The following CDH18 variants were observed in gnomAD, a reference collection of about 807,000 sequenced individuals.
CDH18 encodes cadherin 18.
CDH18 carries 31 observed loss-of-function variants against 67.9 expected under a neutral mutation model. That is an observed-to-expected ratio of 0.46 (90% CI 0.34 to 0.62). The LOEUF (loss-of-function observed/expected upper bound fraction) is 0.62. CDH18 is among the 20% of genes least tolerant of loss of function. CDH18 has a pLI of 0.01. For missense variants in CDH18, 890 were observed against 975.5 expected (o/e 0.91, Z 1.17); for synonymous variants, 362 against 347.2 (o/e 1.04, Z -0.48).
intron 2 of CDH18, among the ~76,000 whole-genome samples, chr5:19,929,204 A>T (rs942020542): frequency 2.0e-5 from 3 of 152,118 alleles, no homozygotes; most frequent in Admixed American, 6.6e-5. Flanking sequence ...CATGGTTATG[A>T]GTCATCACTT....
chr5:19,972,671 G>A (rs1261163818), intron 2 of CDH18, among the ~76,000 whole-genome samples: 1 of 151,910 alleles, frequency 6.6e-6, no homozygotes, highest in Non-Finnish European at 1.5e-5. Context: ...TCATAATGGT[G>A]TAGGAACATA....
At chr5:19,612,051 G>A (rs926369131) in intron 6 of CDH18, among the ~76,000 whole-genome samples, 1 of 151,058 alleles carries the variant, frequency 6.6e-6, no homozygotes, top group Non-Finnish European at 1.5e-5. Flanking sequence ...AAAAAATTCA[G>A]TCACAGAATG....
At chr5:20,081,387 G>C (rs1314415024) in intron 2 of CDH18, among the ~76,000 whole-genome samples, 2 of 152,168 alleles carry the variant, frequency 1.3e-5, no homozygotes, top group East Asian at 3.9e-4. Flanking sequence ...GTTCAGCCAT[G>C]TTAGAGAGAG....
intron 2 of CDH18, among the ~76,000 whole-genome samples, chr5:20,134,711 G>GTGTTT (rs1010884907): frequency 5.3e-5 from 8 of 152,044 alleles, no homozygotes; most frequent in Admixed American, 3.3e-4. Context: ...TATTATCTTT[G>GTGTTT]TGTTTTGTTT....
intron 1 of CDH18, among the ~76,000 whole-genome samples, chr5:20,337,336 A>G (rs538023561): frequency 6.6e-6 from 1 of 152,258 alleles, no homozygotes; most frequent in South Asian, 2.1e-4. Context: ...CCAAACTTTT[A>G]TGCTCTGCTT....
intron 3 of CDH18, among the ~76,000 whole-genome samples, chr5:19,755,427 G>GTA (rs1373982305): frequency 0.016 from 720 of 44,642 alleles, 65 homozygotes; most frequent in Middle Eastern, 0.019. Context: ...AACTAACAGG[G>GTA]TATGTATATA....
intron 4 of CDH18, among the ~76,000 whole-genome samples, chr5:19,721,815 G>C (rs1766139143): frequency 1.3e-5 from 2 of 152,052 alleles, no homozygotes; most frequent in Admixed American, 6.5e-5. Context: ...TACTAATTTT[G>C]CAGTTAAATC....
chr5:19,992,355 G>T (rs745512480), upstream of CDH18, among the ~76,000 whole-genome samples: 2 of 151,346 alleles, frequency 1.3e-5, no homozygotes, highest in Non-Finnish European at 2.9e-5. Context: ...ATGATGAAAT[G>T]AGGACACTGA....
At chr5:19,477,820 A>T (rs1251593780) in intron 12 of CDH18, among the ~76,000 whole-genome samples, 1 of 152,130 alleles carries the variant, frequency 6.6e-6, no homozygotes, top group African/African-American at 2.4e-5. Context: ...AAAAAAAGAA[A>T]AGATATAGAA....
chr5:20,261,162 G>A lies in CDH18; in HGVS notation c.-579-5657C>T, dbSNP rs1404979455. ...AGTTAAATATAAATGCATTGTTTCA[G>A]TAGTCCCCAAAGAGTCTTTCATTCC... On this transcript the variant is annotated intron_variant, in intron 1 of 14. Transcript: ENST00000507958. 2.0e-5 allele frequency among the ~76,000 whole-genome samples: 3 copies of A among 152,232 alleles called. No homozygotes were observed. The South Asian group carries it at 6.2e-4, about 32-fold the overall frequency.
At chr5:19,624,001 A>G (rs1298766494) in intron 5 of CDH18, among the ~76,000 whole-genome samples, 1 of 147,176 alleles carries the variant, frequency 6.8e-6, no homozygotes, top group East Asian at 2.0e-4. Flanking sequence ...TATTATTATT[A>G]TTATTATTAT....
At chr5:19,996,620 C>A (rs933310932) in intron 2 of CDH18, among the ~76,000 whole-genome samples, 6 of 152,008 alleles carry the variant, frequency 3.9e-5, no homozygotes, top group African/African-American at 1.4e-4. Flanking sequence ...TTTGCTTATT[C>A]AATAGTTGAA....
At chr5:20,086,655 T>C (rs1305835016) in intron 2 of CDH18, among the ~76,000 whole-genome samples, 1 of 145,104 alleles carries the variant, frequency 6.9e-6, no homozygotes, top group African/African-American at 2.8e-5. Flanking sequence ...CTAAATCTAC[T>C]CTGTACTCTA....
chr5:20,469,590 C>A (rs1581059163), intron 1 of CDH18, among the ~76,000 whole-genome samples: 1 of 152,240 alleles, frequency 6.6e-6, no homozygotes, highest in Non-Finnish European at 1.5e-5. Flanking sequence ...GCTTTGCCTG[C>A]AGTGCTCCCA....
chr5:19,721,622 C>T (rs1581054973), intron 4 of CDH18, among the ~76,000 whole-genome samples, 156 bp from the exon 5 acceptor site: 1 of 152,180 alleles, frequency 6.6e-6, no homozygotes, highest in African/African-American at 2.4e-5. Context: ...ATATTACTTG[C>T]TTTCTTTCCC....
At chr5:20,149,351 C>T (rs1561831207) in intron 2 of CDH18, among the ~76,000 whole-genome samples, 1 of 152,158 alleles carries the variant, frequency 6.6e-6, no homozygotes, top group South Asian at 2.1e-4. Context: ...ATTTCAGCCA[C>T]ATTTGAGACT....
chr5:19,806,036 A>T (rs1019425734), intron 3 of CDH18, among the ~76,000 whole-genome samples: 5 of 152,122 alleles, frequency 3.3e-5, no homozygotes, highest in Non-Finnish European at 5.9e-5. Flanking sequence ...TAACACATGC[A>T]CTCTGCTCCA....
At chr5:20,003,899 A>C (rs1736663254) in intron 2 of CDH18, among the ~76,000 whole-genome samples, 1 of 152,244 alleles carries the variant, frequency 6.6e-6, no homozygotes, top group African/African-American at 2.4e-5. Context: ...TCCGTCTCAA[A>C]AAACAAACAA....
Position 20,493,356 on chromosome 5 carries a change from TAAAAAAAAAAAAAAA to T in CDH18, c.-580+82091_-580+82105del, listed in dbSNP as rs148292031. Among the ~76,000 whole-genome samples, 9 of 47,194 alleles carry T rather than the reference TAAAAAAAAAAAAAAA, an allele frequency of 1.9e-4. 1 individual carries two copies. Among genetic ancestry groups the T allele is most frequent in the East Asian group, 1.0e-3 (1 of 978 alleles). 31.0% of individuals were successfully genotyped at this position (47,194 alleles called of 152,430 possible). A position where few individuals can be genotyped will look rare whatever the true frequency, so the allele number is the denominator to read the frequency against. ...AGGGCAAGACTCTGTTTCAGAAAATTAAAAAAAAAAAAAAAAAAAAAAAAAAAAAGCAAAGAATTT... is the reference window on the plus strand; with the variant it reads ...AGGGCAAGACTCTGTTTCAGAAAATTAAAAAAAAAAAAAAGCAAAGAATTT... On this transcript the variant is annotated intron_variant, in intron 1 of 14. Coordinates refer to the CDH18 transcript ENST00000507958.
Sources: gnomAD v4.1 joint callset for allele counts (sites outside exome capture counted in the v4.1 genomes callset) on GRCh38, gnomAD v4.1.1 for gene constraint, MANE v1.5 for transcripts, NCBI Gene and HGNC (gene_info 2026-07-23, HGNC 2026-07-21) for gene names.